The following CAB39L variants were observed in gnomAD, a reference collection of about 807,000 sequenced individuals.
CAB39L encodes the protein calcium binding protein 39 like.
CAB39L carries 23 observed loss-of-function variants against 39.1 expected under a neutral mutation model. That is an observed-to-expected ratio of 0.59 (90% confidence interval 0.42 to 0.83). CAB39L has a LOEUF of 0.83. Among genes scored for constraint, CAB39L ranks in the 40% least tolerant of loss-of-function variants. The pLI is 0.00. For synonymous variants in CAB39L, 126 were observed against 137.2 expected, an observed-to-expected ratio of 0.92 and a Z score of 0.57; for missense variants, 366 against 391.9, an observed-to-expected ratio of 0.93 and a Z score of 0.56.
chr13:49,330,833 A>T (rs1432862712), intron 10 of CAB39L, among the ~76,000 whole-genome samples: 1 of 151,950 alleles, frequency 6.6e-6, no homozygotes, highest in Admixed American at 6.6e-5. Flanking sequence ...TAAAATGCAC[A>T]TTGTAGCATT....
intron 3 of CAB39L, among the ~76,000 whole-genome samples, chr13:49,418,776 G>A (rs1246575308): frequency 6.6e-6 from 1 of 151,910 alleles, no homozygotes; most frequent in Non-Finnish European, 1.5e-5. Context: ...GGCCAGGCTG[G>A]TCTCAAACTC....
intron 10 of CAB39L, among the ~76,000 whole-genome samples, chr13:49,314,721 C>T (rs1270292410): frequency 6.6e-6 from 1 of 152,180 alleles, no homozygotes; most frequent in African/African-American, 2.4e-5. Flanking sequence ...ATCCTAGCAC[C>T]ATCTCTTATT....
chr13:49,368,465 C>A (rs1029423272), intron 5 of CAB39L, among the ~76,000 whole-genome samples: 1 of 152,110 alleles, frequency 6.6e-6, no homozygotes, highest in Non-Finnish European at 1.5e-5. Context: ...TGGAGTGAAA[C>A]CTTAACTATT....
intron 9 of CAB39L, among the ~76,000 whole-genome samples, chr13:49,338,611 CTGCACAATG>C (rs1471963022): frequency 2.0e-5 from 3 of 151,618 alleles, no homozygotes; most frequent in Admixed American, 1.3e-4. Context: ...TGTAACTAAC[CTGCACAATG>C]TGCACATGTA....
chr13:49,405,353 G>T (rs897497642), intron 3 of CAB39L, among the ~76,000 whole-genome samples: 2 of 152,132 alleles, frequency 1.3e-5, no homozygotes, highest in African/African-American at 4.8e-5. Context: ...AAACATGAAG[G>T]AGAAATAAAG....
chr13:49,318,973 C>G (rs1332894073), intron 10 of CAB39L, among the ~76,000 whole-genome samples: 2 of 152,008 alleles, frequency 1.3e-5, no homozygotes, highest in Non-Finnish European at 2.9e-5. Flanking sequence ...AAGTACCGGG[C>G]CGGGTGCAGT....
intron 6 of CAB39L, among the ~76,000 whole-genome samples, chr13:49,354,923 T>C (rs934308563): frequency 1.3e-5 from 2 of 152,160 alleles, no homozygotes; most frequent in Admixed American, 1.3e-4. Flanking sequence ...AAAGATTACA[T>C]TATGTAAGGG....
chr13:49,332,481 A>G (rs1355611034), intron 9 of CAB39L, among the ~76,000 whole-genome samples: 3 of 152,176 alleles, frequency 2.0e-5, no homozygotes, highest in African/African-American at 7.2e-5. Flanking sequence ...ACCTGCATAA[A>G]TGTATGCTAG....
chr13:49,338,331 G>A (rs1033990346), intron 9 of CAB39L, among the ~76,000 whole-genome samples: 7 of 151,740 alleles, frequency 4.6e-5, no homozygotes, highest in Non-Finnish European at 7.4e-5. Flanking sequence ...ATAAAAAATG[G>A]TGAGTTCATG....
intron 10 of CAB39L, among the ~76,000 whole-genome samples, chr13:49,321,749 TAAGTA>T (rs1954349569): frequency 1.3e-5 from 2 of 152,216 alleles, no homozygotes; most frequent in African/African-American, 4.8e-5. Flanking sequence ...TTAAAACTGT[TAAGTA>T]AACTAGTGGA....
In CAB39L at chr13:49,344,189, T is replaced by C; in HGVS notation, c.614A>G (p.Asn205Ser). 1 of 1,591,476 alleles carries C rather than the reference T, an allele frequency of 6.3e-7. No homozygotes were observed. The highest frequency in any genetic ancestry group is 8.6e-7 in the Non-Finnish European group (1 of 1,160,016). The stretch of plus-strand genomic sequence containing the variant: ...ATGATTTCTACTTACAGTGTCGTAA[T>C]TTTGTTCTAAGAAGTCTGCTACCAA... The part of the protein sequence containing the change: ...KVLVADFLEQ[N>S]YDTIFEDYEK... Residue 205 changes from asparagine (N) to serine (S), a missense_variant, in exon 8 of 11, where the codon AAT (asparagine) becomes AGT (serine). Physicochemically the swap from Asn to Ser is conservative, Grantham distance 46. Transcript: ENST00000409308.
chr13:49,332,058 G>A lies in CAB39L; in HGVS notation c.723C>T (p.Asn241=), dbSNP rs530543348. The A allele has an allele frequency of 1.6e-5, 26 of 1,614,124 alleles. 1 individual carries two copies. The African/African-American group carries it at 2.0e-4, about 12-fold the overall frequency. Residue 241 remains asparagine (N), a synonymous_variant, in exon 10 of 11, where the codon AAC becomes AAT. Transcript: ENST00000409308. The part of the protein sequence containing the change: ...LLGELILDRH[N]FAIMTKYISK... ...TGATATACTTTGTCATGATGGCAAA[G>A]TTGTGACGGTCCAGGATCAGCTCCC...
intron 6 of CAB39L, among the ~76,000 whole-genome samples, chr13:49,358,783 C>T (rs747830840): frequency 2.6e-5 from 4 of 152,004 alleles, no homozygotes; most frequent in African/African-American, 7.2e-5. Flanking sequence ...CTGCTTGAAC[C>T]CAGGAGGCAG....
intron 6 of CAB39L, among the ~76,000 whole-genome samples, chr13:49,355,338 C>T (rs1955456358): frequency 6.6e-6 from 1 of 152,018 alleles, no homozygotes; most frequent in Non-Finnish European, 1.5e-5. Flanking sequence ...GCTGTGATCA[C>T]AGCACTACCT....
chr13:49,369,275 C>T (rs1486610256), intron 5 of CAB39L, among the ~76,000 whole-genome samples: 1 of 152,158 alleles, frequency 6.6e-6, no homozygotes, highest in Non-Finnish European at 1.5e-5. Context: ...TTAACGGCAG[C>T]TTTATTTGTA....
chr13:49,368,139 T>C (rs1955819578), intron 5 of CAB39L, among the ~76,000 whole-genome samples: 1 of 152,222 alleles, frequency 6.6e-6, no homozygotes, highest in African/African-American at 2.4e-5. Flanking sequence ...AACATGTTTT[T>C]CATACTTCCC....
At chr13:49,334,677 T>C (rs970296105) in intron 9 of CAB39L, among the ~76,000 whole-genome samples, 2 of 152,226 alleles carry the variant, frequency 1.3e-5, no homozygotes, top group African/African-American at 4.8e-5. Context: ...AACCTAACTG[T>C]GTGATGTGCA....
chr13:49,426,554 G>A (rs956597131), intron 3 of CAB39L, among the ~76,000 whole-genome samples: 2 of 152,124 alleles, frequency 1.3e-5, no homozygotes, highest in African/African-American at 2.4e-5. Context: ...AGCATCCTGA[G>A]TAGCTGGGAC....
intron 1 of CAB39L, among the ~76,000 whole-genome samples, chr13:49,437,643 G>A (rs1957438712): frequency 6.6e-6 from 1 of 152,068 alleles, no homozygotes; most frequent in Non-Finnish European, 1.5e-5. Context: ...GATTCTGCTA[G>A]ACTGCAGTGT....
Sources: allele counts gnomAD v4.1 joint callset (sites outside exome capture counted in the v4.1 genomes callset), GRCh38; gene constraint gnomAD v4.1.1; transcripts MANE v1.5; gene names NCBI Gene and HGNC (gene_info 2026-07-23, HGNC 2026-07-21).